The following RETREG1 variants were observed in gnomAD, a reference collection of about 807,000 sequenced individuals.
RETREG1 encodes the protein reticulophagy regulator 1, also known as family with sequence similarity 134 member B.
In RETREG1, 44 loss-of-function variants were observed where a neutral mutation model predicts 54.8. The observed-to-expected ratio is 0.80, with a 90% CI of 0.63 to 1.03. RETREG1 has a LOEUF of 1.03. Among genes scored for constraint, RETREG1 ranks in the 50% least tolerant of loss-of-function variants. The probability of loss-of-function intolerance (pLI) is 0.00; values close to 1 mark genes in which losing one functional copy is unlikely to be tolerated. For synonymous variants in RETREG1, 217 were observed against 238.5 expected, an observed-to-expected ratio of 0.91 and a Z score of 0.83; for missense variants, 554 against 605.1, an observed-to-expected ratio of 0.92 and a Z score of 0.89.
Position 16,597,973 on chromosome 5 carries a change from T to C in RETREG1, c.320+18679A>G, listed in dbSNP as rs111245572. ...GAACTGGGCAGCCCCTGCTTCTGAC[T>C]GCACTCAGGATGAAACCCAAACCCC... On this transcript the variant is annotated intron_variant, in intron 1 of 8. Coordinates refer to ENST00000306320, the MANE Select transcript of RETREG1 (RefSeq NM_001034850.3). This position sits in a 1 kb window ranked among gnomAD's most constrained non-coding sequence, Gnocchi z 4.3. Among the ~76,000 whole-genome samples the C allele has an allele frequency of 0.012, 1,844 of 152,138 alleles. 35 individuals carry two copies. The highest frequency in any genetic ancestry group is 0.042 in the African/African-American group (1,741 of 41,502).
intron 1 of RETREG1, among the ~76,000 whole-genome samples, chr5:16,609,372 A>G (rs563777463): frequency 2.5e-5 from 3 of 119,246 alleles, no homozygotes; most frequent in African/African-American, 6.2e-5. Flanking sequence ...GTAACTGTAT[A>G]TAACTGTAAC....
chr5:16,487,017 A>T (rs1467439221), intron 3 of RETREG1, among the ~76,000 whole-genome samples: 4 of 152,200 alleles, frequency 2.6e-5, no homozygotes, highest in Non-Finnish European at 5.9e-5. Flanking sequence ...TCTCCTGTGA[A>T]TGCTGGGCAA....
chr5:16,503,440 G>A (rs936120762), intron 3 of RETREG1, among the ~76,000 whole-genome samples: 13 of 152,010 alleles, frequency 8.6e-5, no homozygotes, highest in Admixed American at 5.2e-4. Context: ...AGCCCGAGGC[G>A]GGTGGATCAC....
rs1316601007 is a variant in RETREG1 at position 16,616,964 on chromosome 5, C to G, written c.8G>C (p.Ser3Thr). MA[S>T]PAPPEHAEEG... ...CTCGGCGTGCTCCGGAGGCGCCGGGCTCGCCATCTTCAGCTGTGCTTCCAG... is the reference window on the plus strand; with the variant it reads ...CTCGGCGTGCTCCGGAGGCGCCGGGGTCGCCATCTTCAGCTGTGCTTCCAG... The change falls in exon 1 of 9, where the codon AGC (serine) becomes ACC (threonine). Residue 3 changes from serine to threonine, a missense_variant. Ser to Thr is a moderately conservative substitution (Grantham distance 58, BLOSUM62 1). Transcript: ENST00000306320. The G allele has an allele frequency of 4.2e-6, 6 of 1,430,850 alleles. No homozygotes were observed. The highest frequency in any genetic ancestry group is 2.5e-4 in the Middle Eastern group (1 of 4,060). The allele number at this position is 1,430,850 out of a possible 1,614,324, so 88.6% of individuals were successfully genotyped here. A position where few individuals can be genotyped will look rare whatever the true frequency, so the allele number is the denominator to read the frequency against.
rs1742838079 is a variant in RETREG1 at position 16,593,941 on chromosome 5, C to A, written c.321-21839G>T. Among the ~76,000 whole-genome samples, 1 of 152,244 alleles carries A rather than the reference C, an allele frequency of 6.6e-6. No individual in the cohort carries two copies. The highest frequency in any genetic ancestry group is 1.5e-5 in the Non-Finnish European group (1 of 68,048). ...GAATGTCTGGCCTTCTTTCTAGACA[C>A]CTGGTAGTTCCAACAAAAAGCCAAA... On this transcript the variant is annotated intron_variant, in intron 1 of 8. Coordinates refer to ENST00000306320, the MANE Select transcript of RETREG1 (RefSeq NM_001034850.3). The surrounding 1 kb of genome is among the most constrained non-coding windows in gnomAD (Gnocchi z 4.9).
intron 3 of RETREG1, among the ~76,000 whole-genome samples, chr5:16,517,987 T>C (rs888204415): frequency 1.6e-4 from 25 of 151,680 alleles, no homozygotes; most frequent in Admixed American, 1.1e-3. Context: ...TTCCCTAATA[T>C]AGTTAGTAAA....
At chr5:16,539,309 G>A (rs955132943) in intron 3 of RETREG1, among the ~76,000 whole-genome samples, 4 of 152,124 alleles carry the variant, frequency 2.6e-5, no homozygotes, top group African/African-American at 7.2e-5. Context: ...AGCCAGCAGG[G>A]AAAGTCCTTA....
chr5:16,612,638 C>A (rs1473523788), intron 1 of RETREG1, among the ~76,000 whole-genome samples: 1 of 152,186 alleles, frequency 6.6e-6, no homozygotes, highest in Non-Finnish European at 1.5e-5. Flanking sequence ...GGGACTGTTA[C>A]CCAATCTACT....
At position 16,474,548 on chromosome 5, in the gene RETREG1, C is replaced by T. The variant is rs776570988; in HGVS notation, c.*193G>A. On this transcript the variant is annotated 3_prime_UTR_variant, in exon 9 of 9. Transcript: ENST00000306320. ...TTCCATGCTTATTACACAAAAATAA[C>T]GATCAGAAATATCAATCTATCAGTG... 2.5e-4 allele frequency: 163 copies of T among 641,054 alleles called. No individual in the cohort carries two copies. The highest frequency in any genetic ancestry group is 3.7e-4 in the Non-Finnish European group (142 of 384,552). The allele number at this position is 641,054 out of a possible 1,614,324, so 39.7% of individuals were successfully genotyped here. A position where few individuals can be genotyped will look rare whatever the true frequency, so the allele number is the denominator to read the frequency against.
At chr5:16,539,524 G>A (rs941854295) in intron 3 of RETREG1, among the ~76,000 whole-genome samples, 3 of 152,248 alleles carry the variant, frequency 2.0e-5, no homozygotes, top group African/African-American at 7.2e-5. Context: ...AAATACAGCC[G>A]CTGATCCCAA....
chr5:16,534,731 T>G (rs1741005557), intron 3 of RETREG1, among the ~76,000 whole-genome samples: 1 of 152,210 alleles, frequency 6.6e-6, no homozygotes, highest in Non-Finnish European at 1.5e-5. Context: ...ATTAATCTGC[T>G]AAGAAGAGAA....
At chr5:16,540,209 T>A (rs1205991165) in intron 3 of RETREG1, among the ~76,000 whole-genome samples, 1 of 152,228 alleles carries the variant, frequency 6.6e-6, no homozygotes, top group Non-Finnish European at 1.5e-5. Context: ...TAAAACAGGC[T>A]TTTATACAGC....
At chr5:16,497,580 G>A (rs1286028312) in intron 3 of RETREG1, among the ~76,000 whole-genome samples, 2 of 152,124 alleles carry the variant, frequency 1.3e-5, no homozygotes, top group African/African-American at 2.4e-5. Flanking sequence ...AACTAACAGG[G>A]GTCGGGGGCA....
intron 3 of RETREG1, among the ~76,000 whole-genome samples, chr5:16,501,551 A>T (rs990395233): frequency 6.6e-5 from 10 of 151,834 alleles, no homozygotes; most frequent in Non-Finnish European, 1.3e-4. Context: ...TTATTTATTT[A>T]TTTATTTTTG....
intron 3 of RETREG1, among the ~76,000 whole-genome samples, chr5:16,511,805 G>A (rs2126568556): frequency 6.6e-6 from 1 of 152,262 alleles, no homozygotes; most frequent in East Asian, 1.9e-4. Context: ...GAGGGGGAAG[G>A]GAGAGCAGGC....
At chr5:16,521,501 A>T (rs77031876) in intron 3 of RETREG1, among the ~76,000 whole-genome samples, 5,889 of 152,298 alleles carry the variant, frequency 0.039, 400 homozygotes, top group African/African-American at 0.13. Flanking sequence ...GAAATTTAGA[A>T]CAAATCATCA....
At position 16,510,376 on chromosome 5, in the gene RETREG1, T is replaced by A. The variant is rs1740131916; in HGVS notation, c.459-26904A>T. Among the ~76,000 whole-genome samples, 3 of 152,082 alleles carry A rather than the reference T, an allele frequency of 2.0e-5. No individual in the cohort carries two copies. In the South Asian group the frequency reaches 6.2e-4, roughly 31 times the overall value. ...ATAGGCTGAGCTCTGAAGGTCGGGG[T>A]GTGCGAGAGCCTGTCAGAGGCAGGG... On this transcript the variant is annotated intron_variant, in intron 3 of 8. Coordinates refer to ENST00000306320, the MANE Select transcript of RETREG1 (RefSeq NM_001034850.3).
intron 1 of RETREG1, among the ~76,000 whole-genome samples, chr5:16,614,266 C>G (rs1392998422): frequency 6.6e-6 from 1 of 152,124 alleles, no homozygotes; most frequent in South Asian, 2.1e-4. Flanking sequence ...GTTTGCAACT[C>G]ATGTTACAGA....
In RETREG1 at chr5:16,602,965, G is replaced by A. The variant is rs750117803; in HGVS notation, c.320+13687C>T. 5.3e-5 allele frequency among the ~76,000 whole-genome samples: 8 copies of A among 152,218 alleles called. 1 individual carries two copies. The highest frequency in any genetic ancestry group is 2.1e-4 in the South Asian group (1 of 4,816). ...GGAGGTTGCGGTGAGCCGAGATGGC[G>A]CCATCACACTCCAGCCTGGGCAACA... On this transcript the variant is annotated intron_variant, in intron 1 of 8. Transcript: ENST00000306320.
Sources: gnomAD v4.1 joint callset for allele counts (sites outside exome capture counted in the v4.1 genomes callset) on GRCh38, gnomAD v4.1.1 for gene constraint, Gnocchi (gnomAD v3.1) non-coding constraint, MANE v1.5 for transcripts, NCBI Gene and HGNC (gene_info 2026-07-23, HGNC 2026-07-21) for gene names.